ASB18: variants seen among roughly 807,000 people sequenced by gnomAD.
ASB18 encodes ankyrin repeat and SOCS box protein 18.
ASB18 carries 33 observed loss-of-function variants against 33.4 expected under a neutral mutation model. The observed-to-expected ratio is 0.99, with a 90% CI of 0.75 to 1.32. The LOEUF (loss-of-function observed/expected upper bound fraction) is 1.32. Ranked by LOEUF, ASB18 falls within the 40% of genes most tolerant of loss-of-function variation. The pLI, the probability that ASB18 is intolerant of heterozygous loss-of-function variation, is 0.00. For missense variants in ASB18, 694 were observed against 655.5 expected, an observed-to-expected ratio of 1.06 and a Z score of -0.64; for synonymous variants, 295 against 307.6, an observed-to-expected ratio of 0.96 and a Z score of 0.43.
rs189547245 is a variant in ASB18 at position 236,195,632 on chromosome 2, T to C, written c.1216-575A>G. ...CTGGGCTCAAGCGATTCTCCTGCCT[T>C]AGCCTCCTGAGTAACTGGCATTACA... On this transcript the variant is annotated intron_variant, in intron 5 of 5. Coordinates refer to ENST00000409749, the MANE Select transcript of ASB18 (RefSeq NM_212556.4). The surrounding 1 kb of genome is among the most constrained non-coding windows in gnomAD (Gnocchi z 5.5). Among the ~76,000 whole-genome samples, 123 of 152,198 alleles carry C rather than the reference T, an allele frequency of 8.1e-4. 1 individual carries two copies. In the South Asian group the frequency reaches 0.025, roughly 31 times the overall value.
In ASB18 at chr2:236,214,265, T is replaced by A. The variant is rs2060472804; in HGVS notation, c.1101+97A>T. Reference sequence around the variant, plus strand: ...AAGTCCCCAGGGGTGCCTGGGCCATTACACTTTGAGAGCGCCGCATGCAAC... The same window carrying A: ...AAGTCCCCAGGGGTGCCTGGGCCATAACACTTTGAGAGCGCCGCATGCAAC... On this transcript the variant is annotated intron_variant, in intron 4 of 5. Transcript: ENST00000409749. This position sits in a 1 kb window ranked among gnomAD's most constrained non-coding sequence, Gnocchi z 6.5. 1 of 1,314,270 alleles carries A rather than the reference T, an allele frequency of 7.6e-7. No individual in the cohort carries two copies. The highest frequency in any genetic ancestry group is 1.0e-6 in the Non-Finnish European group (1 of 978,002). 81.4% of individuals were successfully genotyped at this position (1,314,270 alleles called of 1,614,324 possible).
Position 236,216,452 on chromosome 2 carries a change from G to C in ASB18, c.597-1586C>G, listed in dbSNP as rs2060488350. On this transcript the variant is annotated intron_variant, in intron 3 of 5. Coordinates refer to ENST00000409749, the MANE Select transcript of ASB18 (RefSeq NM_212556.4). The surrounding 1 kb of genome is among the most constrained non-coding windows in gnomAD (Gnocchi z 6.1). ...TCCCTCTTCCCCAGGCCTAAGGAAG[G>C]CACTCCCTCTTGATCATCTTGGCCC... is the stretch of plus-strand genomic sequence containing the variant. Among the ~76,000 whole-genome samples the C allele has an allele frequency of 6.6e-6, 1 of 152,020 alleles. No individual in the cohort carries two copies. Among genetic ancestry groups the C allele is most frequent in the Non-Finnish European group, 1.5e-5 (1 of 67,906 alleles).
Position 236,209,497 on chromosome 2 carries a change from T to C in ASB18, c.1101+4865A>G, listed in dbSNP as rs998231058. Among the ~76,000 whole-genome samples, 1 of 152,198 alleles carries C rather than the reference T, an allele frequency of 6.6e-6. No homozygotes were observed. Among genetic ancestry groups the C allele is most frequent in the Non-Finnish European group, 1.5e-5 (1 of 68,030 alleles). Reference sequence around the variant, plus strand: ...GTTGTCTAGGCCAGTCTCAAACTGCTGGGCTCAAGTCATCCTTGTGCCTCC... The same window carrying C: ...GTTGTCTAGGCCAGTCTCAAACTGCCGGGCTCAAGTCATCCTTGTGCCTCC... On this transcript the variant is annotated intron_variant, in intron 4 of 5. Transcript: ENST00000409749. The surrounding 1 kb of genome is among the most constrained non-coding windows in gnomAD (Gnocchi z 4.4).
At position 236,264,394 on chromosome 2, in the gene ASB18, C is replaced by T. The variant is rs142164329; in HGVS notation, c.-49G>A. Reference sequence around the variant, plus strand: ...CAGCCCTTCTTTTCTTCCTCTAAAGCGACTCCAAAGTCAGCAGCTGTCCGT... The same window carrying T: ...CAGCCCTTCTTTTCTTCCTCTAAAGTGACTCCAAAGTCAGCAGCTGTCCGT... On this transcript the variant is annotated 5_prime_UTR_variant, in exon 1 of 6. Transcript: ENST00000409749. The surrounding 1 kb of genome is among the most constrained non-coding windows in gnomAD (Gnocchi z 5.1). The T allele has an allele frequency of 4.8e-4, 734 of 1,540,722 alleles. 1 individual carries two copies. The highest frequency in any genetic ancestry group is 6.2e-4 in the Non-Finnish European group (687 of 1,114,800).
In ASB18 at chr2:236,241,577, A is replaced by G; in HGVS notation, c.206-175T>C. On this transcript the variant is annotated intron_variant, in intron 1 of 5. Coordinates refer to ENST00000409749, the MANE Select transcript of ASB18 (RefSeq NM_212556.4). The surrounding 1 kb of genome is among the most constrained non-coding windows in gnomAD (Gnocchi z 4.2). ...AGGAACGGGAAAGATGGTCTTATGGAGTGTGAGCTATTTCTATTGTCATTA... is the reference window on the plus strand; with the variant it reads ...AGGAACGGGAAAGATGGTCTTATGGGGTGTGAGCTATTTCTATTGTCATTA... The G allele has an allele frequency of 1.3e-6, 1 of 744,064 alleles. No individual in the cohort carries two copies. The highest frequency in any genetic ancestry group is 2.3e-6 in the Non-Finnish European group (1 of 428,678). The allele number at this position is 744,064 out of a possible 1,614,324, so 46.1% of individuals were successfully genotyped here.
At chr2:236,201,201 C>T (rs1321677663) in intron 4 of ASB18, among the ~76,000 whole-genome samples, 1 of 151,890 alleles carries the variant, frequency 6.6e-6, no homozygotes, top group Non-Finnish European at 1.5e-5. Flanking sequence ...ACCTATGCTG[C>T]AGTGCAGTGG....
In ASB18 at chr2:236,239,444, T is replaced by C. The variant is rs375100936; in HGVS notation, c.329-1488A>G. Among the ~76,000 whole-genome samples the C allele has an allele frequency of 6.6e-6, 1 of 151,616 alleles. No homozygotes were observed. The highest frequency in any genetic ancestry group is 2.1e-4 in the South Asian group (1 of 4,766). On this transcript the variant is annotated intron_variant, in intron 2 of 5. Transcript: ENST00000409749. The surrounding 1 kb of genome is among the most constrained non-coding windows in gnomAD (Gnocchi z 5.6). ...ATGCAGTCAGGAAGTCTGAATCAGC[T>C]TTCTGTAACTCCCGCCCTCTGGTCC...
chr2:236,246,112 G>A (rs2060643484), intron 1 of ASB18, among the ~76,000 whole-genome samples: 1 of 152,026 alleles, frequency 6.6e-6, no homozygotes, highest in Admixed American at 6.5e-5. Context: ...CAGCACTTTG[G>A]GAGGCCTAGG....
At position 236,238,015 on chromosome 2, in the gene ASB18, C is replaced by T. The variant is rs1467846852; in HGVS notation, c.329-59G>A. The T allele has an allele frequency of 8.0e-6, 10 of 1,250,702 alleles. No individual in the cohort carries two copies. Among genetic ancestry groups the T allele is most frequent in the East Asian group, 3.1e-5 (1 of 32,010 alleles). 77.5% of individuals were successfully genotyped at this position (1,250,702 alleles called of 1,614,324 possible). The stretch of plus-strand genomic sequence containing the variant: ...GGAGGTTAGTTGTGGTGGTGGTGGG[C>T]GGTGTTCCTTAAGGCGGAAAGAAAG... On this transcript the variant is annotated intron_variant, in intron 2 of 5. Coordinates refer to ENST00000409749, the MANE Select transcript of ASB18 (RefSeq NM_212556.4). This position sits in a 1 kb window ranked among gnomAD's most constrained non-coding sequence, Gnocchi z 5.2.
In ASB18 at chr2:236,225,193, C is replaced by T. The variant is rs1378997239; in HGVS notation, c.597-10327G>A. ...TTGCAGTGCAGTGACATGATCATGA[C>T]TCACTGTAGCCTCGACTTCCTGGGC... On this transcript the variant is annotated intron_variant, in intron 3 of 5. Transcript: ENST00000409749. This position sits in a 1 kb window ranked among gnomAD's most constrained non-coding sequence, Gnocchi z 5.1. 6.6e-6 allele frequency among the ~76,000 whole-genome samples: 1 copy of T among 152,150 alleles called. No individual in the cohort carries two copies. The highest frequency in any genetic ancestry group is 1.5e-5 in the Non-Finnish European group (1 of 68,030).
chr2:236,250,898 TA>T lies in ASB18; in HGVS notation c.206-9497del, dbSNP rs1559338388. ...CAACCTCCTCTCTGAATAACAATGT[TA>T]GCACAGCACACCTCATTTAACAAAA... is the stretch of plus-strand genomic sequence containing the variant. On this transcript the variant is annotated intron_variant, in intron 1 of 5. Coordinates refer to ENST00000409749, the MANE Select transcript of ASB18 (RefSeq NM_212556.4). The surrounding 1 kb of genome is among the most constrained non-coding windows in gnomAD (Gnocchi z 4.1). Among the ~76,000 whole-genome samples, 4 of 152,228 alleles carry T rather than the reference TA, an allele frequency of 2.6e-5. No homozygotes were observed. Among genetic ancestry groups the T allele is most frequent in the Non-Finnish European group, 5.9e-5 (4 of 68,046 alleles).
chr2:236,208,222 G>A lies in ASB18; in HGVS notation c.1101+6140C>T, dbSNP rs1483903853. On this transcript the variant is annotated intron_variant, in intron 4 of 5. Transcript: ENST00000409749. The surrounding 1 kb of genome is among the most constrained non-coding windows in gnomAD (Gnocchi z 7.7). ...AGAGGGAGTGCCTGGCAGGAGGCCT[G>A]GGGCCAGCACGGTCTTCCCAGCCCA... Among the ~76,000 whole-genome samples, 1 of 152,102 alleles carries A rather than the reference G, an allele frequency of 6.6e-6. No individual in the cohort carries two copies. Among genetic ancestry groups the A allele is most frequent in the Non-Finnish European group, 1.5e-5 (1 of 68,028 alleles).
At position 236,221,938 on chromosome 2, in the gene ASB18, G is replaced by A. The variant is rs968503824; in HGVS notation, c.597-7072C>T. Among the ~76,000 whole-genome samples the A allele has an allele frequency of 3.9e-5, 6 of 152,246 alleles. No homozygotes were observed. The highest frequency in any genetic ancestry group is 3.3e-4 in the Admixed American group (5 of 15,288). ...ATGTCCCAGGGGAAGGGTGGCTGCA[G>A]CTGAAGGCTGGGTCCCAGGGTGGGT... On this transcript the variant is annotated intron_variant, in intron 3 of 5. Coordinates refer to ENST00000409749, the MANE Select transcript of ASB18 (RefSeq NM_212556.4). The surrounding 1 kb of genome is among the most constrained non-coding windows in gnomAD (Gnocchi z 5.6).
intron 3 of ASB18, among the ~76,000 whole-genome samples, chr2:236,224,348 G>A (rs906716439): frequency 7.9e-5 from 12 of 152,024 alleles, no homozygotes; most frequent in African/African-American, 2.2e-4. Flanking sequence ...GTGTCTGATC[G>A]AGGCTTTTGC....
In ASB18 at chr2:236,249,938, C is replaced by A. The variant is rs2060661657; in HGVS notation, c.206-8536G>T. ...TTAAATAATAAGCATGATGTTTTGT[C>A]TGCAGGAGACACAAACATGAGTTCT... is the stretch of plus-strand genomic sequence containing the variant. On this transcript the variant is annotated intron_variant, in intron 1 of 5. Transcript: ENST00000409749. The surrounding 1 kb of genome is among the most constrained non-coding windows in gnomAD (Gnocchi z 4.6). 1 of 152,164 alleles carries A rather than the reference C, an allele frequency of 6.6e-6. No homozygotes were observed. Among genetic ancestry groups the A allele is most frequent in the African/African-American group, 2.4e-5 (1 of 41,434 alleles). 9.4% of individuals were successfully genotyped at this position (152,164 alleles called of 1,614,324 possible). A position where few individuals can be genotyped will look rare whatever the true frequency, so the allele number is the denominator to read the frequency against.
rs988697939 is a variant in ASB18, at chr2:236,221,670, G to A, written c.597-6804C>T. 6.6e-5 allele frequency among the ~76,000 whole-genome samples: 10 copies of A among 152,226 alleles called. No individual in the cohort carries two copies. Among genetic ancestry groups the A allele is most frequent in the South Asian group, 6.2e-4 (3 of 4,812 alleles). ...TCTCAGGTATGTCTTTATCAGAAGC[G>A]TGAAAACGGACTAATACAGCATCTG... is the stretch of plus-strand genomic sequence containing the variant. On this transcript the variant is annotated intron_variant, in intron 3 of 5. Coordinates refer to ENST00000409749, the MANE Select transcript of ASB18 (RefSeq NM_212556.4). This position sits in a 1 kb window ranked among gnomAD's most constrained non-coding sequence, Gnocchi z 5.6.
Position 236,260,363 on chromosome 2 carries a change from A to T in ASB18, c.205+3778T>A, listed in dbSNP as rs141540489. On this transcript the variant is annotated intron_variant, in intron 1 of 5. Transcript: ENST00000409749. The surrounding 1 kb of genome is among the most constrained non-coding windows in gnomAD (Gnocchi z 5.1). Reference sequence around the variant, plus strand: ...TGTGTTATCATTCCTTCCTCTTCACATTCCTCCTCTCAGGGATTTCGGTGT... The same window carrying T: ...TGTGTTATCATTCCTTCCTCTTCACTTTCCTCCTCTCAGGGATTTCGGTGT... Among the ~76,000 whole-genome samples the T allele has an allele frequency of 6.6e-6, 1 of 151,882 alleles. No individual in the cohort carries two copies. The highest frequency in any genetic ancestry group is 1.5e-5 in the Non-Finnish European group (1 of 67,990).
rs928908669 is a variant in ASB18 at position 236,214,283 on chromosome 2, C to A, written c.1101+79G>T. The A allele has an allele frequency of 3.5e-6, 5 of 1,437,050 alleles. No individual in the cohort carries two copies. The South Asian group carries it at 6.5e-5, about 19-fold the overall frequency. The allele number at this position is 1,437,050 out of a possible 1,614,324, so 89.0% of individuals were successfully genotyped here. On this transcript the variant is annotated intron_variant, in intron 4 of 5. Coordinates refer to ENST00000409749, the MANE Select transcript of ASB18 (RefSeq NM_212556.4). The surrounding 1 kb of genome is among the most constrained non-coding windows in gnomAD (Gnocchi z 6.5). Reference sequence around the variant, plus strand: ...GGGCCATTACACTTTGAGAGCGCCGCATGCAACCCAGCTCCCAGGCCGGTC... The same window carrying A: ...GGGCCATTACACTTTGAGAGCGCCGAATGCAACCCAGCTCCCAGGCCGGTC...
rs199792062 is a variant in ASB18, at chr2:236,264,190, G to A, written c.156C>T (p.Asp52=). The part of the protein sequence containing the change: ...PVDAVIELAN[D]DWMKDPSAQL... ...GAGCCGAGGGGTCTTTCATCCAGTC[G>A]TCATTGGCCAGTTCTATCACAGCGT... is the stretch of plus-strand genomic sequence containing the variant. Residue 52 remains aspartate (D), a synonymous_variant, in exon 1 of 6, where the codon GAC becomes GAT. Coordinates refer to ENST00000409749, the MANE Select transcript of ASB18 (RefSeq NM_212556.4). The surrounding 1 kb of genome is among the most constrained non-coding windows in gnomAD (Gnocchi z 5.1). The A allele has an allele frequency of 1.1e-5, 18 of 1,613,950 alleles. No individual in the cohort carries two copies. Among genetic ancestry groups the A allele is most frequent in the South Asian group, 6.6e-5 (6 of 91,078 alleles).
Sources: allele counts gnomAD v4.1 joint callset (sites outside exome capture counted in the v4.1 genomes callset), GRCh38; gene constraint gnomAD v4.1.1; non-coding constraint Gnocchi (gnomAD v3.1); transcripts MANE v1.5; gene names NCBI Gene and HGNC (gene_info 2026-07-23, HGNC 2026-07-21).